Variants in KCNQ3 observed in about 807,000 individuals in gnomAD.
The protein encoded by KCNQ3 is potassium voltage-gated channel subfamily Q member 3.
In KCNQ3, 30 loss-of-function variants were observed where a neutral mutation model predicts 92.5. That is an observed-to-expected ratio of 0.32 (90% CI 0.24 to 0.44). KCNQ3 has a LOEUF of 0.44. Ranked by LOEUF, KCNQ3 falls within the 20% of genes least tolerant of loss-of-function variation. The probability of loss-of-function intolerance (pLI) is 1.00; values close to 1 mark genes in which losing one functional copy is unlikely to be tolerated. For missense variants in KCNQ3, 913 were observed against 1,140.3 expected, an observed-to-expected ratio of 0.80 and a Z score of 2.87; for synonymous variants, 450 against 468.8, an observed-to-expected ratio of 0.96 and a Z score of 0.52.
chr8:132,300,204 C>G (rs1406951860), intron 1 of KCNQ3, among the ~76,000 whole-genome samples: 1 of 152,176 alleles, frequency 6.6e-6, no homozygotes, highest in Non-Finnish European at 1.5e-5. Context: ...TAAGAATGGA[C>G]CATGGATCAT....
chr8:132,273,249 T>C (rs1461646914), intron 1 of KCNQ3, among the ~76,000 whole-genome samples: 1 of 152,228 alleles, frequency 6.6e-6, no homozygotes, highest in African/African-American at 2.4e-5. Context: ...GAAATCTAAG[T>C]GGAGGTTTAC....
At chr8:132,284,829 C>A (rs1816631393) in intron 1 of KCNQ3, among the ~76,000 whole-genome samples, 1 of 152,188 alleles carries the variant, frequency 6.6e-6, no homozygotes, top group African/African-American at 2.4e-5. Context: ...GGATTAATGT[C>A]TTTCTCATAA....
chr8:132,226,321 CAT>C (rs1389266052), intron 1 of KCNQ3, among the ~76,000 whole-genome samples: 2 of 151,648 alleles, frequency 1.3e-5, no homozygotes, highest in East Asian at 1.9e-4. Flanking sequence ...ATGGTGATAA[CAT>C]ACACATGAGA....
intron 1 of KCNQ3, among the ~76,000 whole-genome samples, chr8:132,224,672 C>T (rs1033126884): frequency 6.6e-6 from 1 of 152,180 alleles, no homozygotes; most frequent in Admixed American, 6.5e-5. Flanking sequence ...TTAAAGGGAA[C>T]AGGACAATTC....
intron 1 of KCNQ3, among the ~76,000 whole-genome samples, chr8:132,335,005 CCTTCCTT>C (rs2130670604): frequency 6.8e-6 from 1 of 147,868 alleles, no homozygotes; most frequent in Admixed American, 6.7e-5. Context: ...TTCCTTCCTT[CCTTCCTT>C]CCTTCCTTCC....
chr8:132,149,987 C>G (rs1429540999), intron 9 of KCNQ3, among the ~76,000 whole-genome samples: 1 of 152,174 alleles, frequency 6.6e-6, no homozygotes, highest in Non-Finnish European at 1.5e-5. Flanking sequence ...TCATCCTTTT[C>G]TCTTCTCCAC....
At chr8:132,190,032 G>C (rs545547418) in intron 1 of KCNQ3, among the ~76,000 whole-genome samples, 75 of 152,162 alleles carry the variant, frequency 4.9e-4, no homozygotes, top group East Asian at 4.2e-3. Flanking sequence ...CCTCATAAGT[G>C]ACTTTGTTTT....
intron 1 of KCNQ3, among the ~76,000 whole-genome samples, chr8:132,326,772 C>A (rs1480563218): frequency 2.0e-5 from 3 of 152,170 alleles, no homozygotes; most frequent in Non-Finnish European, 4.4e-5. Flanking sequence ...GCCTCTAGAA[C>A]CATGAGAAAT....
In KCNQ3 at chr8:132,330,467, T is replaced by A. The variant is rs938836761; in HGVS notation, c.387-144286A>T. 4.6e-5 allele frequency among the ~76,000 whole-genome samples: 7 copies of A among 152,174 alleles called. No homozygotes were observed. The East Asian group carries it at 1.4e-3, about 29-fold the overall frequency. On this transcript the variant is annotated intron_variant, in intron 1 of 14. Transcript: ENST00000388996. ...GCAGCTGTGCTGAGTGCTCCCACTA[T>A]GGGGCTCTCAGGCACATCACCTTCC...
chr8:132,180,579 G>A (rs1826726330), intron 3 of KCNQ3, among the ~76,000 whole-genome samples: 1 of 152,164 alleles, frequency 6.6e-6, no homozygotes, highest in South Asian at 2.1e-4. Flanking sequence ...AGTAGCATAG[G>A]CCTACCACAC....
chr8:132,143,436 G>C (rs1292857906), intron 9 of KCNQ3, among the ~76,000 whole-genome samples: 1 of 152,152 alleles, frequency 6.6e-6, no homozygotes, highest in Non-Finnish European at 1.5e-5. Flanking sequence ...CAAAGACTCT[G>C]CCTGGCTATC....
chr8:132,364,549 A>G (rs892810526), intron 1 of KCNQ3, among the ~76,000 whole-genome samples: 1 of 152,194 alleles, frequency 6.6e-6, no homozygotes, highest in Non-Finnish European at 1.5e-5. Flanking sequence ...TTTTTTGTAC[A>G]TTCCAGAAGG....
At chr8:132,295,459 G>A (rs1816989045) in intron 1 of KCNQ3, among the ~76,000 whole-genome samples, 1 of 152,202 alleles carries the variant, frequency 6.6e-6, no homozygotes, top group African/African-American at 2.4e-5. Context: ...TTCAACCAGT[G>A]TGGAAGACCA....
chr8:132,237,898 T>G (rs17596360), intron 1 of KCNQ3, among the ~76,000 whole-genome samples: 87,914 of 151,988 alleles, frequency 0.58, 26,131 homozygotes, highest in East Asian at 0.77. Context: ...GGTTTAAATG[T>G]AAAGAGCAGG....
intron 1 of KCNQ3, among the ~76,000 whole-genome samples, chr8:132,234,576 A>T (rs939318745): frequency 5.9e-5 from 9 of 152,068 alleles, no homozygotes; most frequent in Non-Finnish European, 1.3e-4. Context: ...TGAAACACAC[A>T]CTATATACTG....
At chr8:132,158,917 AT>A (rs533977565) in intron 9 of KCNQ3, among the ~76,000 whole-genome samples, 1 of 152,106 alleles carries the variant, frequency 6.6e-6, no homozygotes, top group Admixed American at 6.5e-5. Flanking sequence ...CCTGGGACAG[AT>A]TTTTTTCCCT....
intron 1 of KCNQ3, among the ~76,000 whole-genome samples, chr8:132,371,448 G>A (rs1287283318): frequency 6.6e-6 from 1 of 152,222 alleles, no homozygotes; most frequent in Admixed American, 6.5e-5. Context: ...TACATGGGCA[G>A]TCAGGGAAGA....
intron 1 of KCNQ3, among the ~76,000 whole-genome samples, chr8:132,448,005 G>T (rs1490946351): frequency 1.3e-5 from 2 of 152,122 alleles, no homozygotes; most frequent in African/African-American, 4.8e-5. Context: ...ACTTTGTGGG[G>T]GCTGTTGTGA....
intron 1 of KCNQ3, among the ~76,000 whole-genome samples, chr8:132,275,502 A>G (rs953318825): frequency 5.3e-5 from 8 of 152,060 alleles, no homozygotes; most frequent in Non-Finnish European, 5.9e-5. Context: ...TGGAAGGAGT[A>G]TGAGGGTCAT....
Sources: allele counts gnomAD v4.1 joint callset (sites outside exome capture counted in the v4.1 genomes callset), GRCh38; gene constraint gnomAD v4.1.1; transcripts MANE v1.5; gene names NCBI Gene and HGNC (gene_info 2026-07-23, HGNC 2026-07-21).